The following EP400 variants were observed in gnomAD, a reference collection of about 807,000 sequenced individuals.
EP400 encodes the protein E1A binding protein p400.
In EP400, 105 loss-of-function variants were observed where a neutral mutation model predicts 354.1. That is an observed-to-expected ratio of 0.30 (90% CI 0.25 to 0.35). EP400 has a LOEUF of 0.35. EP400 is among the 10% of genes least tolerant of loss of function. The pLI, the probability that EP400 is intolerant of heterozygous loss-of-function variation, is 1.00. For missense variants in EP400, 3,280 were observed against 4,121.0 expected, an observed-to-expected ratio of 0.80 and a Z score of 5.59; for synonymous variants, 1,646 against 1,716.9, an observed-to-expected ratio of 0.96 and a Z score of 1.02.
chr12:132,018,676 GGTGTGGCCGAACCACACAT>G lies in EP400; in HGVS notation c.4277+305_4277+323del, dbSNP rs1894023891. 6.6e-6 allele frequency among the ~76,000 whole-genome samples: 1 copy of G among 152,202 alleles called. No homozygotes were observed. Among genetic ancestry groups the G allele is most frequent in the Non-Finnish European group, 1.5e-5 (1 of 68,038 alleles). Reference sequence around the variant, plus strand: ...CCTGGTGCCTCGTGTGGTGGAGGCTGGTGTGGCCGAACCACACATGTGTCGTGAGTGTGGCAGGCAGAGG... The same window carrying G: ...CCTGGTGCCTCGTGTGGTGGAGGCTGGTGTCGTGAGTGTGGCAGGCAGAGG... On this transcript the variant is annotated intron_variant, in intron 21 of 52. Coordinates refer to ENST00000389561, the MANE Select transcript of EP400 (RefSeq NM_015409.5). This position sits in a 1 kb window ranked among gnomAD's most constrained non-coding sequence, Gnocchi z 4.0.
intron 2 of EP400, among the ~76,000 whole-genome samples, chr12:131,977,487 C>T (rs1283877135): frequency 6.6e-5 from 10 of 151,682 alleles, no homozygotes; most frequent in Non-Finnish European, 1.3e-4. Flanking sequence ...TTACTGGACA[C>T]GGAGCCCTTT....
At position 131,990,083 on chromosome 12, in the gene EP400, C is replaced by T; in HGVS notation, c.2529C>T (p.Cys843=). ...IAASTAREIE[C]FWSNIEQVVE... is the part of the protein sequence containing the mutation. The stretch of plus-strand genomic sequence containing the variant: ...CCTCCACGGCCCGGGAGATAGAGTG[C>T]TTTTGGTCGAATATTGAACAGGCGA... Residue 843 remains cysteine, a synonymous_variant, in exon 8 of 53, where the codon TGC becomes TGT. Transcript: ENST00000389561. This position sits in a 1 kb window ranked among gnomAD's most constrained non-coding sequence, Gnocchi z 4.2. The T allele has an allele frequency of 1.2e-6, 2 of 1,609,774 alleles. No homozygotes were observed. Among genetic ancestry groups the T allele is most frequent in the Non-Finnish European group, 1.7e-6 (2 of 1,178,820 alleles).
Position 132,076,839 on chromosome 12 carries a change from C to T in EP400, c.9099+246C>T, listed in dbSNP as rs555601231. ...CCAGGACCCTTCATTCACTGATCATCGCGGGTGTGTCCTGCAAGTCGCAGA... is the reference window on the plus strand; with the variant it reads ...CCAGGACCCTTCATTCACTGATCATTGCGGGTGTGTCCTGCAAGTCGCAGA... On this transcript the variant is annotated intron_variant, in intron 52 of 52. Coordinates refer to ENST00000389561, the MANE Select transcript of EP400 (RefSeq NM_015409.5). Among the ~76,000 whole-genome samples the T allele has an allele frequency of 5.3e-5, 8 of 152,366 alleles. No homozygotes were observed. In the South Asian group the frequency reaches 1.4e-3, roughly 28 times the overall value.
At chr12:131,967,650 A>T (rs761622720) in intron 2 of EP400, among the ~76,000 whole-genome samples, 2 of 151,820 alleles carry the variant, frequency 1.3e-5, no homozygotes, top group Non-Finnish European at 2.9e-5. Flanking sequence ...AGATGGCACC[A>T]CTGCACTCTA....
chr12:132,062,330 C>T lies in EP400; in HGVS notation c.8098+7C>T. 2 of 1,613,950 alleles carry T rather than the reference C, an allele frequency of 1.2e-6. No individual in the cohort carries two copies. The highest frequency in any genetic ancestry group is 2.2e-5 in the South Asian group (2 of 91,082). On this transcript the variant is annotated splice_region_variant and intron_variant, in intron 46 of 52. Transcript: ENST00000389561. ...GTGCCCCAAGTGTCCCAAGGTAAAG[C>T]CAGGCTGGGAGCTTTCTCTGCCACA...
rs937060016 is a variant in EP400 at position 132,038,316 on chromosome 12, C to T, written c.6207+220C>T. On this transcript the variant is annotated intron_variant, in intron 32 of 52. Coordinates refer to ENST00000389561, the MANE Select transcript of EP400 (RefSeq NM_015409.5). The surrounding 1 kb of genome is among the most constrained non-coding windows in gnomAD (Gnocchi z 4.2). Reference sequence around the variant, plus strand: ...GAATGGTGGCGAAGGTCGCGGACCACAGGCCTGTCACCGAAGCAGTCGCTG... The same window carrying T: ...GAATGGTGGCGAAGGTCGCGGACCATAGGCCTGTCACCGAAGCAGTCGCTG... Among the ~76,000 whole-genome samples the T allele has an allele frequency of 1.3e-5, 2 of 152,354 alleles. No individual in the cohort carries two copies. The highest frequency in any genetic ancestry group is 4.8e-5 in the African/African-American group (2 of 41,576).
At position 132,029,926 on chromosome 12, in the gene EP400, G is replaced by A; in HGVS notation, c.5584+23G>A. The A allele has an allele frequency of 6.2e-7, 1 of 1,611,262 alleles. No individual in the cohort carries two copies. On this transcript the variant is annotated intron_variant, in intron 28 of 52. Transcript: ENST00000389561. This position sits in a 1 kb window ranked among gnomAD's most constrained non-coding sequence, Gnocchi z 4.7. ...CAGGTATGCGGCAGTTGGGGGCGTGGCCCGTGCGGGAGCTGCACCGGCCCT... is the reference window on the plus strand; with the variant it reads ...CAGGTATGCGGCAGTTGGGGGCGTGACCCGTGCGGGAGCTGCACCGGCCCT...
At position 131,990,623 on chromosome 12, in the gene EP400, C is replaced by G; in HGVS notation, c.2551-13C>G. 6.3e-7 allele frequency: 1 copy of G among 1,584,938 alleles called. No individual in the cohort carries two copies. Among genetic ancestry groups the G allele is most frequent in the Non-Finnish European group, 8.6e-7 (1 of 1,157,916 alleles). The stretch of plus-strand genomic sequence containing the variant: ...TTAGTAATGTGCTTATTCATTTAAT[C>G]CTTTGCATTTAGGTTGTGGAAATAA... On this transcript the variant is annotated splice_polypyrimidine_tract_variant and intron_variant, in intron 8 of 52. Transcript: ENST00000389561. The surrounding 1 kb of genome is among the most constrained non-coding windows in gnomAD (Gnocchi z 4.2).
intron 1 of EP400, among the ~76,000 whole-genome samples, chr12:131,956,096 TC>T (rs1170708703): frequency 2.0e-5 from 3 of 152,186 alleles, no homozygotes; most frequent in Admixed American, 6.5e-5. Flanking sequence ...TGTTCTAGTC[TC>T]TGTCCCCACC....
At chr12:132,058,439 C>G (rs1401972469) in intron 45 of EP400, among the ~76,000 whole-genome samples, 1 of 151,180 alleles carries the variant, frequency 6.6e-6, no homozygotes, top group Non-Finnish European at 1.5e-5. Context: ...ACTGCAACCT[C>G]CGCCTCCTGG....
chr12:132,023,227 G>T (rs1454500688), intron 23 of EP400, among the ~76,000 whole-genome samples: 1 of 149,948 alleles, frequency 6.7e-6, no homozygotes, highest in Non-Finnish European at 1.5e-5. Flanking sequence ...CTGCCTCCCG[G>T]GTTCAAGCAA....
At chr12:132,039,158 C>A (rs985418307) in intron 32 of EP400, among the ~76,000 whole-genome samples, 10 of 152,134 alleles carry the variant, frequency 6.6e-5, no homozygotes, top group African/African-American at 2.4e-4. Context: ...TCTCCTCTTC[C>A]ATTTCTAAAC....
At position 132,050,360 on chromosome 12, in the gene EP400, A is replaced by G. The variant is rs1181590162; in HGVS notation, c.7238A>G (p.Tyr2413Cys). 2.5e-6 allele frequency: 4 copies of G among 1,614,032 alleles called. No individual in the cohort carries two copies. ...CGTCCTCTCCGTACGAGCCAGATCT[A>G]TGCCCAGGATGAGAATGCCACACAC... ...NNRPLRTSQI[Y>C]AQDENATHTQ... Residue 2413 changes from tyrosine to cysteine, a missense_variant, in exon 40 of 53, where the codon TAT becomes TGT. By Grantham distance (194) the Tyr-to-Cys change is radical. Transcript: ENST00000389561. The surrounding 1 kb of genome is among the most constrained non-coding windows in gnomAD (Gnocchi z 4.8).
intron 16 of EP400, 134 bp from the exon 17 acceptor site, chr12:132,012,872 GTTA>G: frequency 1.1e-6 from 1 of 903,248 alleles, no homozygotes; most frequent in Non-Finnish European, 1.6e-6. Flanking sequence ...GTAATAGCAA[GTTA>G]TTTAAAAAAG....
intron 39 of EP400, 97 bp downstream of exon 39, chr12:132,045,997 G>A: frequency 7.0e-7 from 1 of 1,429,434 alleles, no homozygotes; most frequent in Non-Finnish European, 9.6e-7. Flanking sequence ...CACTGACTGG[G>A]CTCCTTCATC....
At chr12:132,000,539 C>A (rs2136516358) in intron 12 of EP400, among the ~76,000 whole-genome samples, 1 of 152,314 alleles carries the variant, frequency 6.6e-6, no homozygotes, top group South Asian at 2.1e-4. Flanking sequence ...CTATCAATTA[C>A]TGAGAGAAGT....
At chr12:132,024,466 G>A (rs1894229967) in intron 24 of EP400, among the ~76,000 whole-genome samples, 1 of 152,188 alleles carries the variant, frequency 6.6e-6, no homozygotes, top group Non-Finnish European at 1.5e-5. Flanking sequence ...GTAATTTTAT[G>A]TATGAGAAAT....
At chr12:131,977,123 TTTTTTGTTTTTG>T (rs747177550) in intron 2 of EP400, among the ~76,000 whole-genome samples, 9 of 152,174 alleles carry the variant, frequency 5.9e-5, no homozygotes, top group East Asian at 1.9e-4. Context: ...CTGGATTATG[TTTTTTGTTTTTG>T]TTTTTGTTTT....
intron 15 of EP400, among the ~76,000 whole-genome samples, chr12:132,010,864 C>T (rs900182379): frequency 6.6e-6 from 1 of 152,146 alleles, no homozygotes; most frequent in Admixed American, 6.5e-5. Context: ...ATCGCTTGAA[C>T]CTGGGAGGCA....
Sources: allele counts gnomAD v4.1 joint callset (sites outside exome capture counted in the v4.1 genomes callset), GRCh38; gene constraint gnomAD v4.1.1; non-coding constraint Gnocchi (gnomAD v3.1); transcripts MANE v1.5; gene names NCBI Gene and HGNC (gene_info 2026-07-23, HGNC 2026-07-21).